PFKM: variants seen among roughly 807,000 people sequenced by gnomAD.
PFKM encodes phosphofructokinase, muscle.
Under a neutral mutation model 95.5 loss-of-function variants are expected in PFKM, and 58 were observed. That is an observed-to-expected ratio of 0.61 (90% CI 0.49 to 0.76). The LOEUF (loss-of-function observed/expected upper bound fraction) is 0.76, where lower values mean the gene tolerates loss of function less well. Ranked by LOEUF, PFKM falls within the 30% of genes least tolerant of loss-of-function variation. PFKM has a pLI of 0.00. For missense variants in PFKM, 678 were observed against 1,005.4 expected (o/e 0.67, Z 4.40); for synonymous variants, 336 against 357.2 (o/e 0.94, Z 0.67).
intron 1 of PFKM, chr12:48,106,526 A>G: frequency 4.1e-6 from 1 of 242,846 alleles, no homozygotes; most frequent in South Asian, 4.9e-5. Context: ...TTTATTGAGA[A>G]TCACAGAACG....
In PFKM at chr12:48,134,222, T is replaced by G; in HGVS notation, c.594-10T>G. 1 of 1,613,134 alleles carries G rather than the reference T, an allele frequency of 6.2e-7. No homozygotes were observed. The highest frequency in any genetic ancestry group is 8.5e-7 in the Non-Finnish European group (1 of 1,179,092). ...TCACTTGGACTGTGTCATATGTCTA[T>G]CTCTTGCAGCCACCAGAGGACATTT... On this transcript the variant is annotated splice_polypyrimidine_tract_variant and intron_variant, in intron 6 of 22. Coordinates refer to ENST00000359794, the MANE Select transcript of PFKM (RefSeq NM_000289.6).
intron 4 of PFKM, chr12:48,131,729 C>G (rs1170040521): frequency 2.6e-6 from 1 of 382,856 alleles, no homozygotes; most frequent in East Asian, 6.4e-5. Flanking sequence ...AGGACTGGAG[C>G]CAGAGCCAGA....
chr12:48,131,680 G>A (rs1194196527), intron 4 of PFKM: 1 of 450,852 alleles, frequency 2.2e-6, no homozygotes, highest in Non-Finnish European at 4.1e-6. Flanking sequence ...TTACTCTAGG[G>A]TCACAGGGAA....
chr12:48,120,541 T>A (rs962430094), intron 1 of PFKM, among the ~76,000 whole-genome samples: 1 of 152,222 alleles, frequency 6.6e-6, no homozygotes, highest in Non-Finnish European at 1.5e-5. Flanking sequence ...AAACTTCGTC[T>A]GTAAAAGACC....
intron 17 of PFKM, chr12:48,142,516 GTTTT>G: frequency 2.4e-6 from 1 of 423,102 alleles, no homozygotes. Context: ...TGTTTTGTTT[GTTTT>G]TTTTTTTCTT....
Position 48,145,714 on chromosome 12 carries a change from T to G in PFKM, c.*6T>G, listed in dbSNP as rs1442004420. 1.9e-6 allele frequency: 3 copies of G among 1,613,976 alleles called. No individual in the cohort carries two copies. The highest frequency in any genetic ancestry group is 2.5e-6 in the Non-Finnish European group (3 of 1,179,862). On this transcript the variant is annotated 3_prime_UTR_variant, in exon 23 of 23. Coordinates refer to ENST00000359794, the MANE Select transcript of PFKM (RefSeq NM_000289.6). This position sits in a 1 kb window ranked among gnomAD's most constrained non-coding sequence, Gnocchi z 4.3. Reference sequence around the variant, plus strand: ...CCGGGGAAGCTGCCGTCTAAACCTCTCTGGAGTGAGGGGAATAGATTACCT... The same window carrying G: ...CCGGGGAAGCTGCCGTCTAAACCTCGCTGGAGTGAGGGGAATAGATTACCT...
chr12:48,109,872 C>G (rs867161470), intron 3 of PFKM, among the ~76,000 whole-genome samples: 5 of 152,306 alleles, frequency 3.3e-5, no homozygotes, highest in African/African-American at 1.2e-4. Context: ...CTTCCTCCTT[C>G]TTTGACTTCC....
chr12:48,141,504 A>G, intron 15 of PFKM, 123 bp downstream of exon 15: 1 of 890,024 alleles, frequency 1.1e-6, no homozygotes, highest in Non-Finnish European at 1.9e-6. Context: ...CCTCAACCTC[A>G]CAGTTGCTGC....
intron 2 of PFKM, among the ~76,000 whole-genome samples, chr12:48,125,841 A>G (rs956163875): frequency 6.6e-6 from 1 of 152,300 alleles, no homozygotes. Context: ...ATTTTTACTT[A>G]TGATATCCAT....
chr12:48,118,456 A>G, upstream of PFKM: 1 of 1,161,446 alleles, frequency 8.6e-7, no homozygotes, highest in Non-Finnish European at 1.2e-6. Flanking sequence ...TCTCCTAGTC[A>G]CTTGCATTTG....
chr12:48,113,766 G>C (rs1947421349), intron 3 of PFKM, among the ~76,000 whole-genome samples: 1 of 152,148 alleles, frequency 6.6e-6, no homozygotes, highest in Non-Finnish European at 1.5e-5. Context: ...TTGAAGGCAA[G>C]GTTAATTGAG....
chr12:48,124,335 T>C (rs1346652288), intron 2 of PFKM, among the ~76,000 whole-genome samples: 2 of 152,208 alleles, frequency 1.3e-5, no homozygotes, highest in Middle Eastern at 3.4e-3. Flanking sequence ...GCTGGCAGAG[T>C]ACCATGCCAA....
At chr12:48,116,528 G>A (rs577763198), upstream of PFKM, among the ~76,000 whole-genome samples, 19 of 152,172 alleles carry the variant, frequency 1.2e-4, no homozygotes, top group South Asian at 3.7e-3. Flanking sequence ...GCCCAGGGTG[G>A]AGTGTGGTGG....
In PFKM at chr12:48,130,200, TG is replaced by T. The variant is rs750504945; in HGVS notation, c.86-159del. ...TAACATTGACTGCAGTAATTGGGAG[TG>T]GGGAGGCCAGAAGACTTTGATGAGA... On this transcript the variant is annotated intron_variant, in intron 2 of 22. Coordinates refer to ENST00000359794, the MANE Select transcript of PFKM (RefSeq NM_000289.6). 2.8e-4 allele frequency among the ~76,000 whole-genome samples: 43 copies of T among 152,138 alleles called. 1 individual carries two copies. The highest frequency in any genetic ancestry group is 5.6e-4 in the Non-Finnish European group (38 of 67,986).
rs1949901705 is a variant in PFKM, at chr12:48,134,755, G to A, written c.673G>A (p.Ala225Thr). The part of the protein sequence containing the change: ...LALVTSLSCG[A>T]DWVFIPECPP... ...CCTTGTCACCTCTCTGTCCTGTGGG[G>A]CCGACTGGGTTTTTATTCCTGAATG... is the stretch of plus-strand genomic sequence containing the variant. The change falls in exon 8 of 23, where the codon GCC (alanine) becomes ACC (threonine). Residue 225 changes from alanine (A) to threonine (T), a missense_variant. Ala to Thr is a moderately conservative substitution (Grantham distance 58). Coordinates refer to ENST00000359794, the MANE Select transcript of PFKM (RefSeq NM_000289.6). 5 of 1,613,974 alleles carry A rather than the reference G, an allele frequency of 3.1e-6. No homozygotes were observed. The highest frequency in any genetic ancestry group is 1.7e-5 in the Admixed American group (1 of 60,002).
chr12:48,135,509 T>C, intron 10 of PFKM, 126 bp downstream of exon 10: 5 of 682,374 alleles, frequency 7.3e-6, no homozygotes, highest in Non-Finnish European at 1.0e-5. Flanking sequence ...CCACCAGCCT[T>C]TGGGCTGCAG....
upstream of PFKM, chr12:48,105,576 A>G (rs1946472967): frequency 2.1e-6 from 1 of 486,466 alleles, no homozygotes; most frequent in Admixed American, 2.1e-5. Context: ...GAAGTAGTCA[A>G]GAAATATCAC....
chr12:48,133,635 G>A (rs1185505592), intron 6 of PFKM, among the ~76,000 whole-genome samples, 155 bp downstream of exon 6: 1 of 152,146 alleles, frequency 6.6e-6, no homozygotes, highest in African/African-American at 2.4e-5. Flanking sequence ...AAATTATCTA[G>A]AGCACTGAAA....
intron 17 of PFKM, 126 bp downstream of exon 17, chr12:48,142,192 G>C: frequency 2.0e-6 from 2 of 1,023,752 alleles, no homozygotes; most frequent in Admixed American, 3.7e-5. Context: ...TGATTCTTCA[G>C]CTGGGCATGG....
Sources: gnomAD v4.1 joint callset for allele counts (sites outside exome capture counted in the v4.1 genomes callset) on GRCh38, gnomAD v4.1.1 for gene constraint, Gnocchi (gnomAD v3.1) non-coding constraint, MANE v1.5 for transcripts, NCBI Gene and HGNC (gene_info 2026-07-23, HGNC 2026-07-21) for gene names.